Variants in MEGF11 observed in about 807,000 individuals in gnomAD.
MEGF11 encodes multiple EGF like domains 11, also known as multiple epidermal growth factor-like domains protein 11.
A neutral mutation model predicts 146.6 loss-of-function variants in MEGF11; 126 were observed. That is an observed-to-expected ratio of 0.86 (90% CI 0.74 to 1.00). The LOEUF (loss-of-function observed/expected upper bound fraction) is 1.00, where lower values mean the gene tolerates loss of function less well. Among genes scored for constraint, MEGF11 ranks in the 50% least tolerant of loss-of-function variants. The probability of loss-of-function intolerance (pLI) is 0.00; values close to 1 mark genes in which losing one functional copy is unlikely to be tolerated. For missense variants in MEGF11, 1,509 were observed against 1,521.2 expected (o/e 0.99, Z 0.13); for synonymous variants, 532 against 583.4 (o/e 0.91, Z 1.27).
chr15:66,081,850 T>C (rs977758975), intron 5 of MEGF11, among the ~76,000 whole-genome samples: 1 of 152,142 alleles, frequency 6.6e-6, no homozygotes, highest in African/African-American at 2.4e-5. Flanking sequence ...TAATCCCCAA[T>C]GTAGTGCTGT....
At chr15:66,227,590 C>A (rs1308791475) in intron 1 of MEGF11, among the ~76,000 whole-genome samples, 2 of 152,194 alleles carry the variant, frequency 1.3e-5, no homozygotes, top group Non-Finnish European at 2.9e-5. Context: ...CGCATACCTG[C>A]TTCTCCTGGG....
chr15:66,244,767 G>C (rs1183267528), intron 1 of MEGF11, among the ~76,000 whole-genome samples: 1 of 151,920 alleles, frequency 6.6e-6, no homozygotes, highest in Non-Finnish European at 1.5e-5. Context: ...CCCAGTTGAG[G>C]TGAAGAAAAA....
intron 1 of MEGF11, among the ~76,000 whole-genome samples, chr15:66,152,594 C>T (rs2089610106): frequency 6.6e-6 from 1 of 152,232 alleles, no homozygotes; most frequent in Admixed American, 6.5e-5. Context: ...TCCCTTGGCC[C>T]AGTGGGGGAT....
chr15:65,993,463 A>G (rs2082114572), intron 5 of MEGF11, among the ~76,000 whole-genome samples: 2 of 152,196 alleles, frequency 1.3e-5, no homozygotes, highest in South Asian at 4.1e-4. Context: ...AAGACCATTT[A>G]TCTCCACAAT....
At chr15:65,972,202 T>A (rs1158888596) in intron 7 of MEGF11, among the ~76,000 whole-genome samples, 1 of 150,792 alleles carries the variant, frequency 6.6e-6, no homozygotes, top group Non-Finnish European at 1.5e-5. Flanking sequence ...TTAACAGGAG[T>A]TCCAGACAGT....
At chr15:66,125,630 T>C (rs760017449) in intron 2 of MEGF11, among the ~76,000 whole-genome samples, 75 of 152,204 alleles carry the variant, frequency 4.9e-4, no homozygotes, top group Non-Finnish European at 9.1e-4. Flanking sequence ...TCTCTATCTC[T>C]CAGGGCAGTG....
At chr15:66,189,293 G>A (rs1442122528) in intron 1 of MEGF11, among the ~76,000 whole-genome samples, 2 of 152,208 alleles carry the variant, frequency 1.3e-5, no homozygotes, top group Admixed American at 1.3e-4. Context: ...GCATGCTGGG[G>A]TGGGGTGGAG....
chr15:66,183,980 C>T (rs2090625276), intron 1 of MEGF11, among the ~76,000 whole-genome samples: 1 of 152,110 alleles, frequency 6.6e-6, no homozygotes, highest in Non-Finnish European at 1.5e-5. Context: ...AAAAAGAGTA[C>T]ATATTCATAA....
At chr15:66,041,798 T>C (rs1378379186) in intron 5 of MEGF11, among the ~76,000 whole-genome samples, 2 of 152,212 alleles carry the variant, frequency 1.3e-5, no homozygotes, top group African/African-American at 4.8e-5. Context: ...TTAGGGCTCA[T>C]AATATCATCA....
rs778434115 is a variant in MEGF11 at position 65,922,450 on chromosome 15, G to A, written c.1845C>T (p.Gly615=). The A allele has an allele frequency of 6.3e-6, 10 of 1,580,128 alleles. No individual in the cohort carries two copies. The highest frequency in any genetic ancestry group is 8.6e-6 in the Non-Finnish European group (10 of 1,163,492). Residue 615 remains glycine, a synonymous_variant, in exon 15 of 26, where the codon GGC becomes GGT. Coordinates refer to ENST00000395614, the MANE Select transcript of MEGF11 (RefSeq NM_001385028.1). ...CQRICPPGFY[G]HGCAQPCPLC... is the part of the protein sequence containing the mutation. Reference sequence around the variant, plus strand: ...GGGGGCATGGCTGGGCGCAGCCGTGGCCATAGAACCCAGGGGGGCAGACTG... The same window carrying A: ...GGGGGCATGGCTGGGCGCAGCCGTGACCATAGAACCCAGGGGGGCAGACTG...
chr15:66,109,170 C>T (rs947769186), intron 4 of MEGF11, among the ~76,000 whole-genome samples: 5 of 152,154 alleles, frequency 3.3e-5, no homozygotes, highest in Non-Finnish European at 7.3e-5. Context: ...TTGACCAAGT[C>T]CTTGAACACA....
At chr15:66,252,309 C>A (rs2092384724) in intron 1 of MEGF11, among the ~76,000 whole-genome samples, 1 of 148,398 alleles carries the variant, frequency 6.7e-6, no homozygotes, top group South Asian at 2.2e-4. Flanking sequence ...TGCCGGGGCG[C>A]GAGGACCCCT....
chr15:66,036,035 T>A (rs1417727687), intron 5 of MEGF11, among the ~76,000 whole-genome samples: 1 of 152,246 alleles, frequency 6.6e-6, no homozygotes, highest in Non-Finnish European at 1.5e-5. Context: ...TCTGCTTTCC[T>A]GCCTTGGGCT....
At chr15:65,929,107 G>A (rs2079478243) in intron 12 of MEGF11, among the ~76,000 whole-genome samples, 1 of 152,130 alleles carries the variant, frequency 6.6e-6, no homozygotes, top group South Asian at 2.1e-4. Flanking sequence ...CATGCTCAAG[G>A]TAACAAAGGA....
intron 5 of MEGF11, among the ~76,000 whole-genome samples, chr15:65,983,224 A>C (rs1454797293): frequency 1.3e-5 from 2 of 152,198 alleles, no homozygotes; most frequent in Non-Finnish European, 2.9e-5. Flanking sequence ...GGAAAAAGAA[A>C]GGCTTCCCTG....
chr15:66,084,291 C>T (rs1164770974), intron 5 of MEGF11, among the ~76,000 whole-genome samples: 1 of 152,060 alleles, frequency 6.6e-6, no homozygotes, highest in East Asian at 1.9e-4. Context: ...AAAAAATGGG[C>T]AAAGGGTTAG....
At chr15:66,029,904 T>C (rs1464019146) in intron 5 of MEGF11, among the ~76,000 whole-genome samples, 1 of 152,220 alleles carries the variant, frequency 6.6e-6, no homozygotes, top group Non-Finnish European at 1.5e-5. Context: ...AACAGATATT[T>C]TCAGTTTTAA....
intron 1 of MEGF11, among the ~76,000 whole-genome samples, chr15:66,242,084 T>G (rs891192432): frequency 1.3e-5 from 2 of 152,112 alleles, no homozygotes; most frequent in African/African-American, 4.8e-5. Context: ...ACATTAAATC[T>G]TCATTTAGTC....
At chr15:65,899,785 C>CT (rs2078448296) in intron 24 of MEGF11, among the ~76,000 whole-genome samples, 1 of 152,178 alleles carries the variant, frequency 6.6e-6, no homozygotes, top group African/African-American at 2.4e-5. Context: ...TAACTGAAAC[C>CT]TATTTCAGCA....
Sources: gnomAD v4.1 joint callset for allele counts (sites outside exome capture counted in the v4.1 genomes callset) on GRCh38, gnomAD v4.1.1 for gene constraint, MANE v1.5 for transcripts, NCBI Gene and HGNC (gene_info 2026-07-23, HGNC 2026-07-21) for gene names.